SNX9: variants seen among roughly 807,000 people sequenced by gnomAD.
SNX9 encodes the protein sorting nexin-9.
In SNX9, 44 loss-of-function variants were observed where a neutral mutation model predicts 89.4. The ratio of observed to expected loss-of-function variants is 0.49; its 90% confidence interval spans 0.39 to 0.63. SNX9 has a LOEUF of 0.63. Ranked by LOEUF, SNX9 falls within the 30% of genes least tolerant of loss-of-function variation. The pLI is 0.00. For synonymous variants in SNX9, 236 were observed against 247.8 expected (o/e 0.95, Z 0.45); for missense variants, 578 against 736.1 (o/e 0.79, Z 2.49).
At chr6:157,942,423 G>A (rs1373726465) in intron 17 of SNX9, among the ~76,000 whole-genome samples, 6 of 152,226 alleles carry the variant, frequency 3.9e-5, no homozygotes, top group Non-Finnish European at 1.5e-5. Context: ...CAACCTTCAG[G>A]GGATTCTGGA....
At chr6:157,841,127 T>TTA (rs1300565078) in intron 1 of SNX9, among the ~76,000 whole-genome samples, 1 of 152,176 alleles carries the variant, frequency 6.6e-6, no homozygotes, top group Non-Finnish European at 1.5e-5. Context: ...CAGAATGCTG[T>TTA]TATGGGCTAA....
chr6:157,945,019 T>C lies in SNX9; in HGVS notation c.*2181T>C, dbSNP rs1269524811. On this transcript the variant is annotated 3_prime_UTR_variant, in exon 18 of 18. Transcript: ENST00000392185. ...TGATTTTTAATGATTTGTATCAACC[T>C]GTAGGTACCACAGAAGAGCTGTAGT... 1 of 152,254 alleles carries C rather than the reference T, an allele frequency of 6.6e-6. No individual in the cohort carries two copies. The highest frequency in any genetic ancestry group is 1.9e-4 in the East Asian group (1 of 5,196). The allele number at this position is 152,254 out of a possible 1,614,324, so 9.4% of individuals were successfully genotyped here. A position where few individuals can be genotyped will look rare whatever the true frequency, so the allele number is the denominator to read the frequency against.
At chr6:157,916,541 A>G (rs769020862) in intron 9 of SNX9, among the ~76,000 whole-genome samples, 1 of 152,184 alleles carries the variant, frequency 6.6e-6, no homozygotes, top group South Asian at 2.1e-4. Flanking sequence ...TTCACCATTA[A>G]CTATGATGTT....
rs895183524 is a variant in SNX9, at chr6:157,889,558, G to C, written c.301-7269G>C. On this transcript the variant is annotated intron_variant, in intron 4 of 17. Coordinates refer to ENST00000392185, the MANE Select transcript of SNX9 (RefSeq NM_016224.5). Reference sequence around the variant, plus strand: ...CAGCATTTAGCAACAGAAAATATTTGTGCTGAAAGTCCCAAGAATTAGGAG... The same window carrying C: ...CAGCATTTAGCAACAGAAAATATTTCTGCTGAAAGTCCCAAGAATTAGGAG... Among the ~76,000 whole-genome samples, 8 of 151,714 alleles carry C rather than the reference G, an allele frequency of 5.3e-5. No homozygotes were observed. In the South Asian group the frequency reaches 1.7e-3, roughly 32 times the overall value.
At chr6:157,856,177 C>T (rs1032585771) in intron 1 of SNX9, among the ~76,000 whole-genome samples, 3 of 152,240 alleles carry the variant, frequency 2.0e-5, no homozygotes, top group African/African-American at 7.2e-5. Flanking sequence ...GTCTCCTCTA[C>T]TGCAAGAGTA....
chr6:157,837,253 A>G (rs1008749269), intron 1 of SNX9, among the ~76,000 whole-genome samples: 4 of 152,218 alleles, frequency 2.6e-5, no homozygotes, highest in African/African-American at 9.6e-5. Flanking sequence ...ATGTCTCAAC[A>G]CTGTTACAAT....
chr6:157,896,955 C>T lies in SNX9; in HGVS notation c.429C>T (p.Asn143=), dbSNP rs751357882. The T allele has an allele frequency of 1.2e-6, 2 of 1,612,126 alleles. No individual in the cohort carries two copies. The highest frequency in any genetic ancestry group is 1.7e-6 in the Non-Finnish European group (2 of 1,179,512). ...AAAGAAACACAAACACTCCCAACAA[C>T]TGGGACACTGCCTTCGGCCACCCCC... is the stretch of plus-strand genomic sequence containing the variant. ...GAQRNTNTPN[N]WDTAFGHPQA... is the part of the protein sequence containing the mutation. Residue 143 remains asparagine, a synonymous_variant, in exon 5 of 18, where the codon AAC becomes AAT. Coordinates refer to ENST00000392185, the MANE Select transcript of SNX9 (RefSeq NM_016224.5).
intron 14 of SNX9, among the ~76,000 whole-genome samples, chr6:157,936,704 AT>A (rs1353900478): frequency 6.6e-6 from 1 of 152,158 alleles, no homozygotes; most frequent in African/African-American, 2.4e-5. Flanking sequence ...GATTCTTAAG[AT>A]TTAATAGCTC....
chr6:157,889,430 CA>C (rs56303673), intron 4 of SNX9, among the ~76,000 whole-genome samples: 742 of 58,498 alleles, frequency 0.013, 4 homozygotes, highest in African/African-American at 0.029. Context: ...GACCCTGTCT[CA>C]AAAAAAAAAA....
intron 6 of SNX9, 60 bp from the exon 7 acceptor site, chr6:157,906,068 A>T (rs922353171): frequency 7.2e-7 from 1 of 1,395,658 alleles, no homozygotes; most frequent in African/African-American, 1.5e-5. Context: ...TGTAGACGAG[A>T]GTTGTAAAAT....
chr6:157,922,820 G>A (rs939884369), intron 10 of SNX9, among the ~76,000 whole-genome samples: 1 of 152,218 alleles, frequency 6.6e-6, no homozygotes, highest in Non-Finnish European at 1.5e-5. Context: ...AGGGTACTCA[G>A]TCACACTGTG....
At chr6:157,858,250 CT>C (rs141525968) in intron 1 of SNX9, among the ~76,000 whole-genome samples, 229 of 143,724 alleles carry the variant, frequency 1.6e-3, no homozygotes, top group Middle Eastern at 3.6e-3. Context: ...TTTCTTTTTT[CT>C]TTTTTTTTTT....
chr6:157,865,194 C>T lies in SNX9; in HGVS notation c.13-2353C>T, dbSNP rs150720651. Among the ~76,000 whole-genome samples, 127 of 151,888 alleles carry T rather than the reference C, an allele frequency of 8.4e-4. 1 individual carries two copies. The East Asian group carries it at 0.017, about 20-fold the overall frequency. On this transcript the variant is annotated intron_variant, in intron 1 of 17. Coordinates refer to ENST00000392185, the MANE Select transcript of SNX9 (RefSeq NM_016224.5). ...TCTCTACTAAAAATATGAAAATTAG[C>T]CAAGTGTGGTGGTAGGCGCCTGTAG...
At chr6:157,893,692 T>C (rs1782912137) in intron 4 of SNX9, among the ~76,000 whole-genome samples, 1 of 152,064 alleles carries the variant, frequency 6.6e-6, no homozygotes, top group South Asian at 2.1e-4. Flanking sequence ...GATTCAGTAC[T>C]GAAATATTGT....
At chr6:157,858,789 C>A (rs1037454079) in intron 1 of SNX9, among the ~76,000 whole-genome samples, 5 of 152,160 alleles carry the variant, frequency 3.3e-5, no homozygotes, top group Non-Finnish European at 5.9e-5. Flanking sequence ...TGGCAGCAGG[C>A]AAGAGAGCTT....
At chr6:157,888,838 C>T (rs1337247240) in intron 4 of SNX9, among the ~76,000 whole-genome samples, 1 of 152,056 alleles carries the variant, frequency 6.6e-6, no homozygotes, top group South Asian at 2.1e-4. Context: ...GGATTTACAC[C>T]GTGGAGGCCT....
At chr6:157,901,406 C>T (rs1783095308) in intron 5 of SNX9, among the ~76,000 whole-genome samples, 1 of 152,198 alleles carries the variant, frequency 6.6e-6, no homozygotes, top group South Asian at 2.1e-4. Context: ...CTCAAAAAAA[C>T]ATTTGCCAAG....
chr6:157,931,856 G>C (rs1783815912), intron 12 of SNX9, among the ~76,000 whole-genome samples: 2 of 152,222 alleles, frequency 1.3e-5, no homozygotes, highest in Admixed American at 6.5e-5. Context: ...GCATCTGGTA[G>C]AGGGGCTATC....
intron 5 of SNX9, 105 bp from the exon 6 acceptor site, chr6:157,901,793 A>G: frequency 1.5e-6 from 2 of 1,373,580 alleles, no homozygotes; most frequent in Non-Finnish European, 2.0e-6. Flanking sequence ...TCAAAAAAAA[A>G]TTGATTTGCC....
Sources: allele counts gnomAD v4.1 joint callset (sites outside exome capture counted in the v4.1 genomes callset), GRCh38; gene constraint gnomAD v4.1.1; transcripts MANE v1.5; gene names NCBI Gene and HGNC (gene_info 2026-07-23, HGNC 2026-07-21).